Variants in PLPP4 observed in about 807,000 individuals in gnomAD.
The protein encoded by PLPP4 is phospholipid phosphatase 4.
Under a neutral mutation model 32.2 loss-of-function variants are expected in PLPP4, and 20 were observed. That is an observed-to-expected ratio of 0.62 (90% CI 0.44 to 0.90). PLPP4 has a LOEUF of 0.90. Among genes scored for constraint, PLPP4 ranks in the 40% least tolerant of loss-of-function variants. The pLI is 0.00. For synonymous variants in PLPP4, 127 were observed against 133.0 expected, an observed-to-expected ratio of 0.95 and a Z score of 0.31; for missense variants, 257 against 353.1, an observed-to-expected ratio of 0.73 and a Z score of 2.18.
Position 120,488,421 on chromosome 10 carries a change from C to T in PLPP4, c.57-15397C>T, listed in dbSNP as rs564220317. Among the ~76,000 whole-genome samples the T allele has an allele frequency of 4.1e-4, 63 of 152,296 alleles. 1 individual carries two copies. Among genetic ancestry groups the T allele is most frequent in the South Asian group, 8.3e-4 (4 of 4,816 alleles). On this transcript the variant is annotated intron_variant, in intron 1 of 6. Coordinates refer to ENST00000398250, the MANE Select transcript of PLPP4 (RefSeq NM_001030059.3). ...CCTTTTACAGATGAGGGAACTGAGG[C>T]ACACAGAAGTAAAGTGATTGGCCAA... is the stretch of plus-strand genomic sequence containing the variant.
chr10:120,576,256 A>G (rs1212083194), intron 6 of PLPP4, among the ~76,000 whole-genome samples: 7 of 152,238 alleles, frequency 4.6e-5, no homozygotes, highest in Non-Finnish European at 1.0e-4. Flanking sequence ...CTTTGAATGA[A>G]TGGGCTTCCA....
rs1845376425 is a variant in PLPP4, at chr10:120,503,810, T to C, written c.57-8T>C. The C allele has an allele frequency of 6.2e-7, 1 of 1,610,106 alleles. No homozygotes were observed. Among genetic ancestry groups the C allele is most frequent in the Non-Finnish European group, 8.5e-7 (1 of 1,176,956 alleles). ...CAACCTTCATGTACTTTTCTTTTTATGTTTCAGTTTTACAGAGTTTTTGGA... is the reference window on the plus strand; with the variant it reads ...CAACCTTCATGTACTTTTCTTTTTACGTTTCAGTTTTACAGAGTTTTTGGA... On this transcript the variant is annotated splice_polypyrimidine_tract_variant and splice_region_variant and intron_variant, in intron 1 of 6. Coordinates refer to ENST00000398250, the MANE Select transcript of PLPP4 (RefSeq NM_001030059.3).
intron 5 of PLPP4, among the ~76,000 whole-genome samples, chr10:120,528,369 C>T (rs907455093): frequency 1.3e-5 from 2 of 152,114 alleles, no homozygotes; most frequent in African/African-American, 2.4e-5. Context: ...CCACCACGCC[C>T]GGCCGCCACT....
At chr10:120,553,757 T>C (rs1848019017) in intron 5 of PLPP4, among the ~76,000 whole-genome samples, 2 of 152,320 alleles carry the variant, frequency 1.3e-5, no homozygotes, top group Non-Finnish European at 2.9e-5. Flanking sequence ...AGCTATACCT[T>C]GGCCACTTTA....
intron 5 of PLPP4, among the ~76,000 whole-genome samples, chr10:120,573,300 T>C (rs573875844): frequency 3.5e-4 from 53 of 152,386 alleles, no homozygotes; most frequent in African/African-American, 1.2e-3. Flanking sequence ...ATTAAAATTT[T>C]TTTTTAAACC....
chr10:120,480,995 CTGAT>C (rs907370769), intron 1 of PLPP4, among the ~76,000 whole-genome samples: 29 of 152,246 alleles, frequency 1.9e-4, no homozygotes, highest in Non-Finnish European at 1.5e-4. Flanking sequence ...CAGTGTCTGT[CTGAT>C]TGTACATCTT....
At chr10:120,463,004 G>A (rs939731431) in intron 1 of PLPP4, among the ~76,000 whole-genome samples, 89 of 146,652 alleles carry the variant, frequency 6.1e-4, no homozygotes, top group African/African-American at 2.2e-3. Context: ...TTGCTCTCTA[G>A]AAACAAGTTT....
intron 5 of PLPP4, among the ~76,000 whole-genome samples, chr10:120,564,284 T>C (rs1230078617): frequency 6.6e-6 from 1 of 152,096 alleles, no homozygotes; most frequent in Non-Finnish European, 1.5e-5. Flanking sequence ...TTTCTTGTTA[T>C]ATCTTCAAAA....
At position 120,591,070 on chromosome 10, in the gene PLPP4, A is replaced by G. The variant is rs139564420; in HGVS notation, c.*1568A>G. 6.6e-6 allele frequency among the ~76,000 whole-genome samples: 1 copy of G among 152,210 alleles called. No individual in the cohort carries two copies. Among genetic ancestry groups the G allele is most frequent in the African/African-American group, 2.4e-5 (1 of 41,532 alleles). On this transcript the variant is annotated 3_prime_UTR_variant, in exon 7 of 7. Coordinates refer to ENST00000398250, the MANE Select transcript of PLPP4 (RefSeq NM_001030059.3). ...AAGCGTGAGCCACTGCACCTGGCCA[A>G]GAGTGTTGCTTTTGGGCAGTTAGCA...
At chr10:120,575,077 A>G (rs1849151216) in intron 5 of PLPP4, 54 bp from the exon 6 acceptor site, 1 of 1,568,596 alleles carries the variant, frequency 6.4e-7, no homozygotes, top group African/African-American at 1.3e-5. Context: ...GCACGCACTG[A>G]GTCCCTGCCA....
intron 5 of PLPP4, among the ~76,000 whole-genome samples, chr10:120,532,419 C>T (rs1202941332): frequency 3.3e-5 from 5 of 152,102 alleles, no homozygotes; most frequent in African/African-American, 1.2e-4. Context: ...TAGATCTTGA[C>T]ATCAGACAAG....
At chr10:120,552,036 T>A (rs1847925064) in intron 5 of PLPP4, among the ~76,000 whole-genome samples, 1 of 152,178 alleles carries the variant, frequency 6.6e-6, no homozygotes, top group Non-Finnish European at 1.5e-5. Flanking sequence ...GAACTGAGCA[T>A]AATACCTGGC....
chr10:120,526,777 A>G (rs1042851764), intron 5 of PLPP4, among the ~76,000 whole-genome samples: 1 of 152,112 alleles, frequency 6.6e-6, no homozygotes, highest in Non-Finnish European at 1.5e-5. Context: ...CTTTATCGGC[A>G]CTTTCCACCT....
chr10:120,482,588 C>T (rs888825658), intron 1 of PLPP4, among the ~76,000 whole-genome samples: 2 of 152,088 alleles, frequency 1.3e-5, no homozygotes, highest in Non-Finnish European at 1.5e-5. Flanking sequence ...GGAAAATTTG[C>T]AGCCTGACAA....
At chr10:120,558,660 G>A (rs1053707572) in intron 5 of PLPP4, among the ~76,000 whole-genome samples, 3 of 151,970 alleles carry the variant, frequency 2.0e-5, no homozygotes, top group African/African-American at 7.2e-5. Context: ...AAAGTGATCC[G>A]CCCACCTTGG....
intron 1 of PLPP4, among the ~76,000 whole-genome samples, chr10:120,462,329 G>C (rs1189935344): frequency 6.6e-6 from 1 of 151,802 alleles, no homozygotes; most frequent in Non-Finnish European, 1.5e-5. Context: ...AGGCAAAACT[G>C]GGGGGGCCTG....
chr10:120,495,692 C>T (rs139460586), intron 1 of PLPP4, among the ~76,000 whole-genome samples: 2 of 152,148 alleles, frequency 1.3e-5, no homozygotes, highest in Admixed American at 6.5e-5. Flanking sequence ...ATTGTTTGTT[C>T]ACAGAATAAC....
intron 6 of PLPP4, among the ~76,000 whole-genome samples, chr10:120,576,136 T>G (rs1375182628): frequency 6.6e-6 from 1 of 152,196 alleles, no homozygotes; most frequent in Non-Finnish European, 1.5e-5. Context: ...TCCTGGATAA[T>G]AAGCAAGCCT....
intron 4 of PLPP4, among the ~76,000 whole-genome samples, chr10:120,519,494 A>G (rs996000854): frequency 2.6e-5 from 4 of 151,292 alleles, no homozygotes; most frequent in African/African-American, 7.3e-5. Flanking sequence ...TATTTTATCT[A>G]CTGGATGCAG....
Sources: allele counts gnomAD v4.1 joint callset (sites outside exome capture counted in the v4.1 genomes callset), GRCh38; gene constraint gnomAD v4.1.1; transcripts MANE v1.5; gene names NCBI Gene and HGNC (gene_info 2026-07-23, HGNC 2026-07-21).